The following RBFOX1 variants were observed in gnomAD, a reference collection of about 807,000 sequenced individuals.
RBFOX1 encodes RNA binding fox-1 homolog 1.
A neutral mutation model predicts 57.7 loss-of-function variants in RBFOX1; 8 were observed. The ratio of observed to expected loss-of-function variants is 0.14; its 90% CI spans 0.08 to 0.25. The LOEUF (loss-of-function observed/expected upper bound fraction) is 0.25, where lower values mean the gene tolerates loss of function less well. Among genes scored for constraint, RBFOX1 ranks in the 10% least tolerant of loss-of-function variants. RBFOX1 has a pLI of 1.00. For synonymous variants in RBFOX1, 326 were observed against 222.4 expected (o/e 1.47, Z -4.15); for missense variants, 611 against 548.5 (o/e 1.11, Z -1.14).
chr16:6,369,449 C>T (rs1420319731), intron 2 of RBFOX1, among the ~76,000 whole-genome samples: 1 of 152,182 alleles, frequency 6.6e-6, no homozygotes, highest in Non-Finnish European at 1.5e-5. Context: ...CTCTACCCAA[C>T]AGTGCAACCA....
chr16:6,020,485 G>C (rs1274817693), intron 1 of RBFOX1, among the ~76,000 whole-genome samples: 1 of 152,176 alleles, frequency 6.6e-6, no homozygotes, highest in East Asian at 1.9e-4. Flanking sequence ...GGAAGAGAAG[G>C]CTCACTTATG....
chr16:7,676,512 T>G (rs2073319917), intron 13 of RBFOX1, among the ~76,000 whole-genome samples: 1 of 152,216 alleles, frequency 6.6e-6, no homozygotes, highest in South Asian at 2.1e-4. Context: ...AACATTTAGG[T>G]ACATTTTCTT....
intron 4 of RBFOX1, among the ~76,000 whole-genome samples, chr16:7,400,419 G>T (rs1473525143): frequency 6.6e-6 from 1 of 152,102 alleles, no homozygotes; most frequent in Non-Finnish European, 1.5e-5. Flanking sequence ...TCTGAAGACA[G>T]AAATCCTCAA....
intron 1 of RBFOX1, among the ~76,000 whole-genome samples, chr16:5,368,799 C>T (rs1416430950): frequency 6.6e-6 from 1 of 152,154 alleles, no homozygotes; most frequent in African/African-American, 2.4e-5. Flanking sequence ...CCAGGGTCTT[C>T]TGGGGTCTCC....
chr16:5,421,946 A>AGAGC (rs1241223039), intron 1 of RBFOX1, among the ~76,000 whole-genome samples: 2 of 152,194 alleles, frequency 1.3e-5, no homozygotes, highest in African/African-American at 4.8e-5. Flanking sequence ...GAATACGAAA[A>AGAGC]GAGCCATGAT....
intron 4 of RBFOX1, among the ~76,000 whole-genome samples, chr16:7,285,707 A>G (rs147549123): frequency 2.6e-5 from 4 of 152,268 alleles, no homozygotes; most frequent in Non-Finnish European, 5.9e-5. Context: ...TGTGTGTATA[A>G]ATAACTTATT....
intron 3 of RBFOX1, among the ~76,000 whole-genome samples, chr16:6,970,109 T>TC (rs1265933010): frequency 6.6e-6 from 1 of 151,710 alleles, no homozygotes; most frequent in Non-Finnish European, 1.5e-5. Context: ...GCCTAGGGGT[T>TC]CAAGACTGAA....
At chr16:5,410,512 C>A (rs896330114) in intron 1 of RBFOX1, among the ~76,000 whole-genome samples, 2 of 152,116 alleles carry the variant, frequency 1.3e-5, no homozygotes, top group African/African-American at 4.8e-5. Flanking sequence ...ATGAAATATA[C>A]CTTGTAAAGT....
rs74451822 is a variant in RBFOX1, at chr16:7,085,056, T to C, written c.27+32958T>C. On this transcript the variant is annotated intron_variant, in intron 4 of 15. Coordinates refer to ENST00000550418, the MANE Select transcript of RBFOX1 (RefSeq NM_018723.4). ...ATGGAAATACTGAAGATAAAGTAGG[T>C]ATTATATTGTAAAAGTTCTATATGA... Among the ~76,000 whole-genome samples the C allele has an allele frequency of 3.9e-5, 6 of 152,232 alleles. No homozygotes were observed. The East Asian group carries it at 1.2e-3, about 29-fold the overall frequency.
At chr16:6,065,191 C>G (rs9935057) in intron 1 of RBFOX1, among the ~76,000 whole-genome samples, 8,127 of 137,570 alleles carry the variant, frequency 0.059, 625 homozygotes, top group African/African-American at 0.18. Context: ...CCATCACCGG[C>G]TAATTTTTTT....
intron 3 of RBFOX1, among the ~76,000 whole-genome samples, chr16:6,840,261 G>A (rs2093385136): frequency 6.6e-6 from 1 of 152,236 alleles, no homozygotes. Flanking sequence ...TAGTCACACG[G>A]AACACACTGA....
intron 4 of RBFOX1, among the ~76,000 whole-genome samples, chr16:7,288,856 A>C (rs1301767444): frequency 6.6e-6 from 1 of 152,214 alleles, no homozygotes; most frequent in Non-Finnish European, 1.5e-5. Flanking sequence ...CTTTGTTGTT[A>C]CTTTTTACAG....
chr16:5,804,878 G>A (rs1245766975), intron 3 of RBFOX1, among the ~76,000 whole-genome samples: 2 of 152,170 alleles, frequency 1.3e-5, no homozygotes, highest in East Asian at 1.9e-4. Context: ...CAGCTCTGAT[G>A]GATATGTGGG....
chr16:6,666,643 T>A (rs2098734870), intron 3 of RBFOX1, among the ~76,000 whole-genome samples: 1 of 151,992 alleles, frequency 6.6e-6, no homozygotes, highest in South Asian at 2.1e-4. Context: ...TCTTAACCTC[T>A]AGGCTGTACT....
chr16:5,536,847 T>A (rs538042887), intron 2 of RBFOX1, among the ~76,000 whole-genome samples: 47 of 152,336 alleles, frequency 3.1e-4, no homozygotes, highest in African/African-American at 1.1e-3. Flanking sequence ...CAGGTGCATC[T>A]GTACCTGTAC....
downstream of RBFOX1, among the ~76,000 whole-genome samples, chr16:5,600,680 C>T (rs2062747997): frequency 6.6e-6 from 1 of 151,878 alleles, no homozygotes; most frequent in Admixed American, 6.6e-5. Flanking sequence ...TTGTCTATTC[C>T]CCCAAAATGA....
At chr16:5,652,151 AATG>A (rs1373864540) in intron 3 of RBFOX1, among the ~76,000 whole-genome samples, 1 of 152,148 alleles carries the variant, frequency 6.6e-6, no homozygotes, top group African/African-American at 2.4e-5. Flanking sequence ...TTATACTTTT[AATG>A]ATGATGATGA....
chr16:6,960,372 A>G (rs868528936), intron 3 of RBFOX1, among the ~76,000 whole-genome samples: 88 of 152,150 alleles, frequency 5.8e-4, no homozygotes, highest in African/African-American at 2.0e-3. Context: ...TAAGCTCTGG[A>G]AAACTTTCTA....
At chr16:6,336,181 ATTTTTTTTTTTTTTTTTTT>A (rs1156246510) in intron 2 of RBFOX1, among the ~76,000 whole-genome samples, 4 of 27,010 alleles carry the variant, frequency 1.5e-4, no homozygotes, top group Non-Finnish European at 2.5e-4. Flanking sequence ...ATATATATAT[ATTTTTTTTTTTTTTTTTTT>A]TTTTTTTTTT....
Sources: gnomAD v4.1 joint callset for allele counts (sites outside exome capture counted in the v4.1 genomes callset) on GRCh38, gnomAD v4.1.1 for gene constraint, MANE v1.5 for transcripts, NCBI Gene and HGNC (gene_info 2026-07-23, HGNC 2026-07-21) for gene names.